Variants in SCAF4 observed in about 807,000 individuals in gnomAD.
SCAF4 encodes SR-related CTD associated factor 4, also known as SR-related and CTD-associated factor 4.
SCAF4 carries 25 observed loss-of-function variants against 129.8 expected under a neutral mutation model. That is an observed-to-expected ratio of 0.19 (90% confidence interval 0.14 to 0.27). The LOEUF (loss-of-function observed/expected upper bound fraction) is 0.27, where lower values mean the gene tolerates loss of function less well. SCAF4 is among the 10% of genes least tolerant of loss of function. SCAF4 has a pLI of 1.00. For synonymous variants in SCAF4, 551 were observed against 497.7 expected (o/e 1.11, Z -1.43); for missense variants, 1,246 against 1,457.1 (o/e 0.86, Z 2.36).
At chr21:31,687,676 T>G (rs764825394) in intron 16 of SCAF4, among the ~76,000 whole-genome samples, 1 of 151,428 alleles carries the variant, frequency 6.6e-6, no homozygotes, top group African/African-American at 2.4e-5. Flanking sequence ...GCTTATTGGG[T>G]ACATATCCAA....
At chr21:31,694,016 G>A (rs2050321892) in intron 11 of SCAF4, among the ~76,000 whole-genome samples, 188 bp downstream of exon 11, 1 of 151,718 alleles carries the variant, frequency 6.6e-6, no homozygotes, top group Non-Finnish European at 1.5e-5. Flanking sequence ...AAAAAAGTAA[G>A]ATGAATGATG....
intron 19 of SCAF4, among the ~76,000 whole-genome samples, chr21:31,679,649 G>C (rs1208573472): frequency 1.3e-5 from 2 of 152,108 alleles, no homozygotes; most frequent in Non-Finnish European, 2.9e-5. Flanking sequence ...AGAGAAATTT[G>C]AGTTTTCAAT....
intron 4 of SCAF4, 33 bp from the exon 5 acceptor site, chr21:31,702,412 A>C (rs2050555590): frequency 6.3e-7 from 1 of 1,590,522 alleles, no homozygotes; most frequent in African/African-American, 1.4e-5. Context: ...ATATACAATA[A>C]ATATTTGCAT....
In SCAF4 at chr21:31,717,608, CCA is replaced by C. The variant is rs78721683; in HGVS notation, c.31-11253_31-11252del. 4.2e-3 allele frequency among the ~76,000 whole-genome samples: 644 copies of C among 151,918 alleles called. 4 individuals are homozygous for C. Among genetic ancestry groups the C allele is most frequent in the Middle Eastern group, 0.014 (4 of 294 alleles). On this transcript the variant is annotated intron_variant, in intron 1 of 19. Transcript: ENST00000286835. ...GAATCACCATTATCACATAACTTGT[CCA>C]CAGAGTAAATCTTGTCTTTGAAGCT...
At chr21:31,688,870 A>G (rs916086467) in intron 15 of SCAF4, among the ~76,000 whole-genome samples, 2 of 152,256 alleles carry the variant, frequency 1.3e-5, no homozygotes, top group African/African-American at 4.8e-5. Flanking sequence ...TTAAAGTATT[A>G]GAAATAAAGG....
intron 1 of SCAF4, among the ~76,000 whole-genome samples, chr21:31,714,226 T>C (rs2050872995): frequency 6.6e-6 from 1 of 152,154 alleles, no homozygotes; most frequent in Admixed American, 6.6e-5. Context: ...AAGTATTCAA[T>C]AAACACCGTT....
At chr21:31,709,361 A>G (rs113223649) in intron 1 of SCAF4, among the ~76,000 whole-genome samples, 3,016 of 151,420 alleles carry the variant, frequency 0.02, 101 homozygotes, top group African/African-American at 0.068. Context: ...AAAAAAAAAA[A>G]AAAGAAAGAA....
chr21:31,709,022 C>T (rs1010081370), intron 1 of SCAF4, among the ~76,000 whole-genome samples: 5 of 152,136 alleles, frequency 3.3e-5, no homozygotes, highest in African/African-American at 4.8e-5. Flanking sequence ...ACAAATGTGA[C>T]GCCCTGTTTA....
At chr21:31,689,683 A>G (rs71314150) in intron 15 of SCAF4, among the ~76,000 whole-genome samples, 39,325 of 150,098 alleles carry the variant, frequency 0.26, 5,844 homozygotes, top group Middle Eastern at 0.38. Context: ...TAATCCCAGC[A>G]CTTTGGGAGG....
At chr21:31,701,294 A>G (rs1478376850) in intron 6 of SCAF4, 123 bp from the exon 7 acceptor site, 21 of 752,334 alleles carry the variant, frequency 2.8e-5, no homozygotes, top group Non-Finnish European at 3.9e-5. Flanking sequence ...CAAATTGGGG[A>G]AAAAATCCTT....
chr21:31,677,225 T>C (rs2049880775), intron 19 of SCAF4, among the ~76,000 whole-genome samples: 1 of 152,140 alleles, frequency 6.6e-6, no homozygotes. Flanking sequence ...GTTACACCTG[T>C]TATTTGTACC....
chr21:31,692,497 C>T, intron 12 of SCAF4, 48 bp from the exon 13 acceptor site: 1 of 1,254,380 alleles, frequency 8.0e-7, no homozygotes, highest in Non-Finnish European at 1.2e-6. Context: ...TGATAATGAG[C>T]AGCACTGTAG....
chr21:31,671,960 CTGCTGT>C lies in SCAF4; in HGVS notation c.2877_2882del (p.Gln965_Gln966del). On this transcript the variant is annotated inframe_deletion, in exon 20 of 20. Coordinates refer to ENST00000286835, the MANE Select transcript of SCAF4 (RefSeq NM_020706.2). ...ATGGTGGTGGCTGCTGCTGCTGCTGCTGCTGTGGTTGCTGGGGCGCCTGCGGCTGTG... is the reference window on the plus strand; with the variant it reads ...ATGGTGGTGGCTGCTGCTGCTGCTGCGGTTGCTGGGGCGCCTGCGGCTGTG... 6.8e-6 allele frequency: 11 copies of C among 1,608,960 alleles called. No homozygotes were observed. Among genetic ancestry groups the C allele is most frequent in the South Asian group, 1.1e-5 (1 of 90,834 alleles).
chr21:31,702,513 A>G (rs1456232152), intron 4 of SCAF4, 134 bp from the exon 5 acceptor site: 1 of 794,202 alleles, frequency 1.3e-6, no homozygotes, highest in Non-Finnish European at 2.0e-6. Flanking sequence ...ACAAGGAAAA[A>G]AAAAAATCAG....
chr21:31,673,062 A>G (rs1384682531), intron 19 of SCAF4, among the ~76,000 whole-genome samples: 2 of 152,140 alleles, frequency 1.3e-5, no homozygotes, highest in Non-Finnish European at 2.9e-5. Context: ...TTCACCTTCT[A>G]TTCATTATTT....
In SCAF4 at chr21:31,706,219, T is replaced by C. The variant is rs546062493; in HGVS notation, c.114+55A>G. On this transcript the variant is annotated intron_variant, in intron 2 of 19. Transcript: ENST00000286835. ...GTTGACTTCTCATGTTTAAAAGTAA[T>C]AAATATTTTCAAAATTTCAAAAAGA... is the stretch of plus-strand genomic sequence containing the variant. 1.8e-5 allele frequency: 21 copies of C among 1,192,504 alleles called. No homozygotes were observed. The African/African-American group carries it at 2.8e-4, about 16-fold the overall frequency. 73.9% of individuals were successfully genotyped at this position (1,192,504 alleles called of 1,614,324 possible). A position where few individuals can be genotyped will look rare whatever the true frequency, so the allele number is the denominator to read the frequency against.
At chr21:31,686,669 C>T (rs79736990) in intron 16 of SCAF4, among the ~76,000 whole-genome samples, 20 of 152,090 alleles carry the variant, frequency 1.3e-4, no homozygotes, top group African/African-American at 4.3e-4. Context: ...TGTTAGGAAA[C>T]GGGCCACACA....
intron 1 of SCAF4, among the ~76,000 whole-genome samples, chr21:31,707,208 C>G (rs1601242102): frequency 6.6e-6 from 1 of 152,020 alleles, no homozygotes; most frequent in African/African-American, 2.4e-5. Flanking sequence ...CAAATATTAG[C>G]CAGCCATGGT....
At chr21:31,711,444 C>G (rs376267095) in intron 1 of SCAF4, among the ~76,000 whole-genome samples, 18 of 152,254 alleles carry the variant, frequency 1.2e-4, no homozygotes, top group East Asian at 1.2e-3. Flanking sequence ...GATATACTTT[C>G]CTGGTAAGCA....
Sources: gnomAD v4.1 joint callset for allele counts (sites outside exome capture counted in the v4.1 genomes callset) on GRCh38, gnomAD v4.1.1 for gene constraint, MANE v1.5 for transcripts, NCBI Gene and HGNC (gene_info 2026-07-23, HGNC 2026-07-21) for gene names.